SFMBT2: variants seen among roughly 807,000 people sequenced by gnomAD.
The protein encoded by SFMBT2 is Scm like with four mbt domains 2.
A neutral mutation model predicts 110.1 loss-of-function variants in SFMBT2; 38 were observed. That is an observed-to-expected ratio of 0.35 (90% confidence interval 0.27 to 0.45). The LOEUF (loss-of-function observed/expected upper bound fraction) is 0.45, where lower values mean the gene tolerates loss of function less well. SFMBT2 is among the 20% of genes least tolerant of loss of function. The pLI, the probability that SFMBT2 is intolerant of heterozygous loss-of-function variation, is 1.00. For missense variants in SFMBT2, 1,011 were observed against 1,094.9 expected (o/e 0.92, Z 1.08); for synonymous variants, 425 against 425.4 (o/e 1.00, Z 0.01).
chr10:7,357,138 T>C (rs189913625), intron 4 of SFMBT2, among the ~76,000 whole-genome samples: 42 of 152,252 alleles, frequency 2.8e-4, no homozygotes, highest in Non-Finnish European at 5.6e-4. Flanking sequence ...GTACACAAAA[T>C]GTTCTGCCTC....
chr10:7,228,134 T>C (rs900683512), intron 9 of SFMBT2, among the ~76,000 whole-genome samples, 197 bp from the exon 10 acceptor site: 1 of 152,200 alleles, frequency 6.6e-6, no homozygotes, highest in Non-Finnish European at 1.5e-5. Flanking sequence ...CCATCGTTAC[T>C]ATAACACACT....
intron 1 of SFMBT2, among the ~76,000 whole-genome samples, chr10:7,389,273 T>G (rs1845705557): frequency 6.6e-6 from 1 of 152,186 alleles, no homozygotes; most frequent in Non-Finnish European, 1.5e-5. Flanking sequence ...TGGTGACAAC[T>G]GCTCCACCCA....
intron 16 of SFMBT2, among the ~76,000 whole-genome samples, chr10:7,185,732 A>C (rs1838382168): frequency 6.6e-6 from 1 of 152,240 alleles, no homozygotes; most frequent in Non-Finnish European, 1.5e-5. Context: ...CCATTCAAAG[A>C]AGAGTTAAGA....
chr10:7,275,366 G>A (rs966382184), intron 7 of SFMBT2, among the ~76,000 whole-genome samples: 4 of 152,178 alleles, frequency 2.6e-5, no homozygotes, highest in African/African-American at 9.7e-5. Context: ...CAGGGGAGAC[G>A]AGGACAGGCT....
chr10:7,195,233 G>C (rs188205188), intron 15 of SFMBT2, among the ~76,000 whole-genome samples: 1 of 152,146 alleles, frequency 6.6e-6, no homozygotes, highest in African/African-American at 2.4e-5. Flanking sequence ...TGTAATCCTG[G>C]CTTGATTTCT....
intron 1 of SFMBT2, among the ~76,000 whole-genome samples, chr10:7,401,520 G>C (rs1424718054): frequency 2.0e-5 from 3 of 152,188 alleles, no homozygotes; most frequent in Non-Finnish European, 2.9e-5. Context: ...GTTTAACTTA[G>C]GGAATTAAAA....
intron 10 of SFMBT2, among the ~76,000 whole-genome samples, chr10:7,223,839 G>A (rs1328100340): frequency 6.6e-6 from 1 of 152,132 alleles, no homozygotes; most frequent in Admixed American, 6.6e-5. Context: ...GTTGATTGTA[G>A]GTGGAGCCAG....
chr10:7,172,386 C>T lies in SFMBT2; in HGVS notation c.2151+109G>A, dbSNP rs574684817. On this transcript the variant is annotated intron_variant, in intron 18 of 20. Transcript: ENST00000397167. This position sits in a 1 kb window ranked among gnomAD's most constrained non-coding sequence, Gnocchi z 4.6. Reference sequence around the variant, plus strand: ...GGGGGCTCTTCTTCAGTGTTTCTGACCATCTTGCCACAATCTCCAGGGCCA... The same window carrying T: ...GGGGGCTCTTCTTCAGTGTTTCTGATCATCTTGCCACAATCTCCAGGGCCA... The T allele has an allele frequency of 1.4e-5, 22 of 1,561,414 alleles. No homozygotes were observed. In the African/African-American group the frequency reaches 2.2e-4, roughly 15 times the overall value.
chr10:7,175,880 T>A, intron 17 of SFMBT2, 110 bp downstream of exon 17: 1 of 971,098 alleles, frequency 1.0e-6, no homozygotes, highest in African/African-American at 1.6e-5. Context: ...TATGGAAGAC[T>A]AGTCAAAAGG....
intron 4 of SFMBT2, among the ~76,000 whole-genome samples, chr10:7,364,167 T>C (rs1668627820): frequency 6.6e-6 from 1 of 152,236 alleles, no homozygotes; most frequent in African/African-American, 2.4e-5. Flanking sequence ...GAACCTGCTA[T>C]TTCCTGACTC....
At chr10:7,371,835 C>T (rs140708435) in intron 2 of SFMBT2, among the ~76,000 whole-genome samples, 2 of 152,010 alleles carry the variant, frequency 1.3e-5, no homozygotes, top group Non-Finnish European at 2.9e-5. Flanking sequence ...AACTGATATC[C>T]GATCCTATCA....
intron 4 of SFMBT2, chr10:7,329,508 A>G: frequency 4.1e-6 from 4 of 985,466 alleles, no homozygotes; most frequent in Non-Finnish European, 4.8e-6. Flanking sequence ...GGAGGGAGAG[A>G]GGAGGTGCTG....
At chr10:7,292,935 C>T (rs376238886) in intron 4 of SFMBT2, among the ~76,000 whole-genome samples, 57 of 151,922 alleles carry the variant, frequency 3.8e-4, no homozygotes, top group African/African-American at 1.3e-3. Flanking sequence ...TGCAGTGAGC[C>T]GAGATCGTGC....
chr10:7,164,284 G>T, intron 20 of SFMBT2: 1 of 607,100 alleles, frequency 1.6e-6, no homozygotes. Context: ...CTACTCAGAG[G>T]CTGAGGTGGG....
At chr10:7,339,691 T>C (rs1434224758) in intron 4 of SFMBT2, among the ~76,000 whole-genome samples, 1 of 152,192 alleles carries the variant, frequency 6.6e-6, no homozygotes, top group Non-Finnish European at 1.5e-5. Context: ...GGGAACTGCA[T>C]TCCATGGCAT....
intron 3 of SFMBT2, chr10:7,368,274 C>A: frequency 2.2e-6 from 2 of 910,760 alleles, no homozygotes; most frequent in South Asian, 1.0e-4. Context: ...GTGGACTACA[C>A]GGTTTTCAAG....
chr10:7,258,969 T>C (rs1442960531), intron 7 of SFMBT2, among the ~76,000 whole-genome samples: 1 of 152,242 alleles, frequency 6.6e-6, no homozygotes, highest in Non-Finnish European at 1.5e-5. Context: ...TTTTGTCTAG[T>C]AGCTGTGCAT....
At chr10:7,294,417 G>A (rs1275606301) in intron 4 of SFMBT2, among the ~76,000 whole-genome samples, 2 of 152,148 alleles carry the variant, frequency 1.3e-5, no homozygotes, top group African/African-American at 4.8e-5. Context: ...ACCTTGCATT[G>A]TACAAGTATC....
intron 6 of SFMBT2, among the ~76,000 whole-genome samples, chr10:7,280,709 C>T (rs772627285): frequency 6.6e-6 from 1 of 152,144 alleles, no homozygotes; most frequent in Non-Finnish European, 1.5e-5. Context: ...TATCCTTATC[C>T]CCATGGTACA....
Sources: allele counts gnomAD v4.1 joint callset (sites outside exome capture counted in the v4.1 genomes callset), GRCh38; gene constraint gnomAD v4.1.1; non-coding constraint Gnocchi (gnomAD v3.1); transcripts MANE v1.5; gene names NCBI Gene and HGNC (gene_info 2026-07-23, HGNC 2026-07-21).